The following RPL4 variants were observed in gnomAD, a reference collection of about 807,000 sequenced individuals.
RPL4 encodes the protein ribosomal protein L4.
A neutral mutation model predicts 47.7 loss-of-function variants in RPL4; 3 were observed. The observed-to-expected ratio is 0.06, with a 90% CI of 0.03 to 0.16. RPL4 has a LOEUF of 0.16. Among genes scored for constraint, RPL4 ranks in the 10% least tolerant of loss-of-function variants. The pLI is 1.00. For missense variants in RPL4, 413 were observed against 551.3 expected, an observed-to-expected ratio of 0.75 and a Z score of 2.51; for synonymous variants, 208 against 182.1, an observed-to-expected ratio of 1.14 and a Z score of -1.15.
rs571857181 is a variant in RPL4 at position 66,504,718 on chromosome 15, C to G, written c.3+70G>C. 9 of 1,595,098 alleles carry G rather than the reference C, an allele frequency of 5.6e-6. No homozygotes were observed. The South Asian group carries it at 7.9e-5, about 14-fold the overall frequency. ...CTCTATCTCCTACAGATTCTATGCT[C>G]CGAACCCCAAATCCTTCCTTACTGG... On this transcript the variant is annotated intron_variant, in intron 1 of 9. Transcript: ENST00000307961.
intron 6 of RPL4, 126 bp from the exon 7 acceptor site, chr15:66,501,231 G>T: frequency 6.5e-7 from 1 of 1,537,896 alleles, no homozygotes; most frequent in Non-Finnish European, 9.0e-7. Context: ...AACCATCAAT[G>T]GTGCAACTCT....
Position 66,499,661 on chromosome 15 carries a change from A to T in RPL4, c.1039-9T>A. 1 of 1,613,388 alleles carries T rather than the reference A, an allele frequency of 6.2e-7. No individual in the cohort carries two copies. The highest frequency in any genetic ancestry group is 8.5e-7 in the Non-Finnish European group (1 of 1,179,682). On this transcript the variant is annotated splice_polypyrimidine_tract_variant and intron_variant, in intron 9 of 9. Transcript: ENST00000307961. ...TCCACCCGGAGCTTGTGCTGCAACA[A>T]ATTAGGCAGAAAACAGTAAGAATCA...
In RPL4 at chr15:66,499,200, G is replaced by C; in HGVS notation, c.*207C>G. The C allele has an allele frequency of 1.7e-6, 1 of 585,264 alleles. No individual in the cohort carries two copies. The highest frequency in any genetic ancestry group is 3.0e-5 in the East Asian group (1 of 32,866). The allele number at this position is 585,264 out of a possible 1,614,324, so 36.3% of individuals were successfully genotyped here. A position where few individuals can be genotyped will look rare whatever the true frequency, so the allele number is the denominator to read the frequency against. ...CCTTCCACTGAACTCCATGGACTTA[G>C]TATAAATCCATGCCCCATTTTATAC... On this transcript the variant is annotated 3_prime_UTR_variant, in exon 10 of 10. Transcript: ENST00000307961.
chr15:66,500,353 T>C lies in RPL4; in HGVS notation c.857A>G (p.Asn286Ser), dbSNP rs955662616. 1 of 1,614,042 alleles carries C rather than the reference T, an allele frequency of 6.2e-7. No individual in the cohort carries two copies. The highest frequency in any genetic ancestry group is 1.3e-5 in the African/African-American group (1 of 74,938). Residue 286 changes from asparagine (N) to serine (S), a missense_variant, in exon 8 of 10, where the codon AAT becomes AGT. Asn to Ser is a conservative substitution (Grantham distance 46). This residue lies in a region of RPL4 where 214 missense variants were observed against 304.2 expected (regional missense o/e 0.70). Transcript: ENST00000307961. Reference sequence around the variant, plus strand: ...TTTCAAGATTCTGCTAAGATCTGTATTAATCATCTTGTGCATGGGAAGACT... The same window carrying C: ...TTTCAAGATTCTGCTAAGATCTGTACTAATCATCTTGTGCATGGGAAGACT... ...NYNLPMHKMI[N>S]TDLSRILKSP...
At position 66,499,572 on chromosome 15, in the gene RPL4, G is replaced by A. The variant is rs1021406222; in HGVS notation, c.1119C>T (p.Gly373=). 1 of 1,613,800 alleles carries A rather than the reference G, an allele frequency of 6.2e-7. No individual in the cohort carries two copies. The highest frequency in any genetic ancestry group is 8.5e-7 in the Non-Finnish European group (1 of 1,179,852). Residue 373 remains glycine (G), a synonymous_variant, in exon 10 of 10, where the codon GGC becomes GGT. Coordinates refer to ENST00000307961, the MANE Select transcript of RPL4 (RefSeq NM_000968.4). The part of the protein sequence containing the change: ...AKSDEKAAVA[G]KKPVVGKKGK... ...CTTTCTTACCTACCACAGGCTTCTT[G>A]CCTGCAACCGCCGCCTTCTCATCTG...
At position 66,501,420 on chromosome 15, in the gene RPL4, A is replaced by G. The variant is rs781458060; in HGVS notation, c.631T>C (p.Tyr211His). Reference sequence around the variant, plus strand: ...TTGATGATACCATTATCCTCATTATAGATGATGCACGGGCCCCTGCGCTGG... The same window carrying G: ...TTGATGATACCATTATCCTCATTATGGATGATGCACGGGCCCCTGCGCTGG... ...RIQRRGPCII[Y>H]NEDNGIIKAF... Residue 211 changes from tyrosine to histidine, a missense_variant, in exon 6 of 10, where the codon TAT becomes CAT. This residue lies in a region of RPL4 where 214 missense variants were observed against 304.2 expected (regional missense o/e 0.70). Transcript: ENST00000307961. 1 of 1,614,112 alleles carries G rather than the reference A, an allele frequency of 6.2e-7. No homozygotes were observed. Among genetic ancestry groups the G allele is most frequent in the Non-Finnish European group, 8.5e-7 (1 of 1,180,016 alleles).
At chr15:66,501,527 A>G in intron 5 of RPL4, 23 bp from the exon 6 acceptor site, 1 of 1,613,498 alleles carries the variant, frequency 6.2e-7, no homozygotes, top group Non-Finnish European at 8.5e-7. Context: ...CAGTTTTAGT[A>G]TTCTGATTAA....
At chr15:66,503,323 T>A (rs1180513876) in intron 2 of RPL4, 35 bp downstream of exon 2, 1 of 1,610,366 alleles carries the variant, frequency 6.2e-7, no homozygotes, top group Non-Finnish European at 8.5e-7. Context: ...TGTAAAGCAG[T>A]CCCTAAAATA....
rs921999994 is a variant in RPL4 at position 66,499,417 on chromosome 15, G to A, written c.1274C>T (p.Pro425Leu). 5 of 1,606,606 alleles carry A rather than the reference G, an allele frequency of 3.1e-6. No individual in the cohort carries two copies. The highest frequency in any genetic ancestry group is 3.4e-6 in the Non-Finnish European group (4 of 1,178,610). The change falls in exon 10 of 10, where the codon CCT (proline) becomes CTT (leucine). Residue 425 changes from proline (P) to leucine (L), a missense_variant. Transcript: ENST00000307961. Reference protein sequence around the residue: ...EKKPTTEEKKPAA With the variant: ...EKKPTTEEKKLAA ...ATCAAATTTAAGAGTTTATGCAGCA[G>A]GCTTCTTCTCCTCTGTAGTAGGTTT...
chr15:66,502,036 C>G (rs374085670), intron 4 of RPL4, 124 bp from the exon 5 acceptor site: 3 of 1,251,810 alleles, frequency 2.4e-6, no homozygotes, highest in Non-Finnish European at 3.5e-6. Flanking sequence ...AGAATTTCCA[C>G]AAATATCATG....
At position 66,501,812 on chromosome 15, in the gene RPL4, A is replaced by T. The variant is rs747987396; in HGVS notation, c.522T>A (p.Leu174=). Residue 174 remains leucine (L), a synonymous_variant, in exon 5 of 10, where the codon CTT becomes CTA. Transcript: ENST00000307961. ...CCTTTTTGATATCATTCCAGGCTTT[A>T]AGTTTCTTAAGGAGCAAAACAGCTT... ...TKEAVLLLKK[L]KAWNDIKKVY... is the part of the protein sequence containing the mutation. The T allele has an allele frequency of 1.2e-6, 2 of 1,611,524 alleles. No homozygotes were observed. The highest frequency in any genetic ancestry group is 2.2e-5 in the South Asian group (2 of 90,786).
At chr15:66,499,780 T>C (rs953491022) in intron 9 of RPL4, 128 bp from the exon 10 acceptor site, 4 of 1,319,318 alleles carry the variant, frequency 3.0e-6, no homozygotes, top group Non-Finnish European at 4.1e-6. Context: ...TCCCAGCACT[T>C]TGGGAGGCCG....
At chr15:66,501,978 C>T (rs763184235) in intron 4 of RPL4, 66 bp from the exon 5 acceptor site, 1 of 1,553,376 alleles carries the variant, frequency 6.4e-7, no homozygotes, top group Non-Finnish European at 8.7e-7. Context: ...AAAAATCAAA[C>T]ATTTTATACA....
intron 9 of RPL4, 69 bp from the exon 10 acceptor site, chr15:66,499,721 A>G: frequency 1.3e-6 from 2 of 1,592,524 alleles, no homozygotes; most frequent in Non-Finnish European, 1.7e-6. Flanking sequence ...CAGGAAGAGA[A>G]AAACAAAAAC....
Position 66,500,162 on chromosome 15 carries a change from C to G in RPL4, c.932G>C (p.Arg311Pro). The G allele has an allele frequency of 6.2e-7, 1 of 1,613,762 alleles. No individual in the cohort carries two copies. Among genetic ancestry groups the G allele is most frequent in the Non-Finnish European group, 8.5e-7 (1 of 1,179,880 alleles). The change falls in exon 9 of 10, where the codon CGC becomes CCC. Residue 311 changes from arginine (R) to proline (P), a missense_variant. Physicochemically the swap from Arg to Pro is moderately radical, Grantham distance 103. This residue lies in a region of RPL4 where 214 missense variants were observed against 304.2 expected (regional missense o/e 0.70). Transcript: ENST00000307961. ...CAGTGGGTTCTTCTTTAGGACTCTG[C>G]GATGGATCTTCTTGCTATAAAAAAG... ...ALRAPRKKIHRRVLKKNPLKN... is the reference protein window; with the variant it reads ...ALRAPRKKIHPRVLKKNPLKN...
chr15:66,499,400 T>TA lies in RPL4; in HGVS notation c.*6dup, dbSNP rs1386301960. Reference sequence around the variant, plus strand: ...TTGACCTTTATGGAATAATCAAATTTAAGAGTTTATGCAGCAGGCTTCTTC... The same window carrying TA: ...TTGACCTTTATGGAATAATCAAATTTAAAGAGTTTATGCAGCAGGCTTCTTC... On this transcript the variant is annotated 3_prime_UTR_variant, in exon 10 of 10. Coordinates refer to ENST00000307961, the MANE Select transcript of RPL4 (RefSeq NM_000968.4). 3 of 1,594,370 alleles carry TA rather than the reference T, an allele frequency of 1.9e-6. No individual in the cohort carries two copies. Among genetic ancestry groups the TA allele is most frequent in the Non-Finnish European group, 1.7e-6 (2 of 1,175,470 alleles).
At chr15:66,504,743 G>A (rs771284970) in intron 1 of RPL4, 45 bp downstream of exon 1, 22 of 1,608,356 alleles carry the variant, frequency 1.4e-5, no homozygotes. Flanking sequence ...TTCCTTACTG[G>A]CCCCGAGATA....
At chr15:66,502,988 C>A in intron 3 of RPL4, 70 bp downstream of exon 3, 2 of 1,446,250 alleles carry the variant, frequency 1.4e-6, no homozygotes, top group Non-Finnish European at 1.9e-6. Flanking sequence ...GTATTATCAT[C>A]AATAAACCAG....
At chr15:66,501,738 C>CA in intron 5 of RPL4, 50 bp downstream of exon 5, 1 of 1,595,610 alleles carries the variant, frequency 6.3e-7, no homozygotes, top group Non-Finnish European at 8.5e-7. Context: ...TTCAAAGTGA[C>CA]AAACTGTGAA....
Sources: gnomAD v4.1 joint callset for allele counts on GRCh38, gnomAD v4.1.1 for gene constraint, gnomAD v4.1.1 regional missense constraint, MANE v1.5 for transcripts, NCBI Gene and HGNC (gene_info 2026-07-23, HGNC 2026-07-21) for gene names.